The following OPHN1 variants were observed in gnomAD, a reference collection of about 807,000 sequenced individuals.
OPHN1 encodes oligophrenin-1.
OPHN1 carries 11 observed loss-of-function variants against 60.7 expected under a neutral mutation model. The ratio of observed to expected loss-of-function variants is 0.18; its 90% CI spans 0.11 to 0.30. The LOEUF is 0.30. OPHN1 is among the 10% of genes least tolerant of loss of function. The pLI, the probability that OPHN1 is intolerant of heterozygous loss-of-function variation, is 1.00. For missense variants in OPHN1, 449 were observed against 611.0 expected, an observed-to-expected ratio of 0.73 and a Z score of 2.80; for synonymous variants, 226 against 222.6, an observed-to-expected ratio of 1.02 and a Z score of -0.14.
intron 6 of OPHN1, among the ~76,000 whole-genome samples, chrX:68,217,052 C>T (rs1040948311): frequency 9.4e-4 from 104 of 111,034 alleles, no homozygotes; most frequent in Non-Finnish European, 1.4e-3. Flanking sequence ...AGACATTGGG[C>T]GGAGGTCAGT....
At chrX:68,416,065 TATAGAGAGAGAGAGAGAGAGAGAG>T (rs2078796835) in intron 2 of OPHN1, among the ~76,000 whole-genome samples, 1 of 5,201 alleles carries the variant, frequency 1.9e-4, no homozygotes, top group African/African-American at 3.7e-4. Flanking sequence ...TATATATATA[TATAGAGAGAGAGAGAGAGAGAGAG>T]AGAGAGAGAG....
At chrX:68,395,730 A>C (rs1380471714) in intron 2 of OPHN1, among the ~76,000 whole-genome samples, 2 of 110,015 alleles carry the variant, frequency 1.8e-5, no homozygotes, top group Non-Finnish European at 3.8e-5. Context: ...TACAGGCGTG[A>C]GCCACCATGC....
intron 15 of OPHN1, among the ~76,000 whole-genome samples, chrX:68,156,075 C>G (rs1352109397): frequency 9.0e-6 from 1 of 110,615 alleles, no homozygotes; most frequent in Non-Finnish European, 1.9e-5. Context: ...CAAAATATAA[C>G]CATGGTATCA....
intron 2 of OPHN1, among the ~76,000 whole-genome samples, chrX:68,355,486 G>T (rs1396224560): frequency 8.9e-6 from 1 of 111,898 alleles, no homozygotes; most frequent in East Asian, 2.8e-4. Flanking sequence ...AGGAAGAAAG[G>T]CTCAGATAGT....
chrX:68,171,600 G>A (rs1443711395), intron 15 of OPHN1, among the ~76,000 whole-genome samples: 1 of 111,030 alleles, frequency 9.0e-6, no homozygotes, highest in Non-Finnish European at 1.9e-5. Context: ...GCCAGGGCTG[G>A]TGGTGCATGC....
chrX:68,061,994 T>C (rs887243571), intron 21 of OPHN1, among the ~76,000 whole-genome samples: 7 of 112,407 alleles, frequency 6.2e-5, no homozygotes, highest in African/African-American at 2.3e-4. Context: ...ATGGCTTACC[T>C]GAACAATTGG....
chrX:68,206,516 T>G (rs1378028576), intron 10 of OPHN1, 57 bp downstream of exon 10: 1 of 869,099 alleles, frequency 1.2e-6, no homozygotes, highest in Non-Finnish European at 1.7e-6. Context: ...CATATATTCT[T>G]TTCTGAGAAA....
chrX:68,071,482 AAGAAC>A (rs1201911264), intron 20 of OPHN1: 2 of 881,408 alleles, frequency 2.3e-6, no homozygotes, highest in Admixed American at 4.4e-5. Context: ...ACAGTCTTTC[AAGAAC>A]AGAACATCCT....
chrX:68,188,787 G>A lies in OPHN1; in HGVS notation c.1276+4132C>T, dbSNP rs776811617. Among the ~76,000 whole-genome samples, 11 of 111,348 alleles carry A rather than the reference G, an allele frequency of 9.9e-5. No individual in the cohort carries two copies. The South Asian group carries it at 2.3e-3, about 23-fold the overall frequency. Reference sequence around the variant, plus strand: ...TAATGTATTTATTATCTATTTGTCCGAATATATGTGAATTTAATGCTAAAG... The same window carrying A: ...TAATGTATTTATTATCTATTTGTCCAAATATATGTGAATTTAATGCTAAAG... On this transcript the variant is annotated intron_variant, in intron 15 of 24. Coordinates refer to ENST00000355520, the MANE Select transcript of OPHN1 (RefSeq NM_002547.3).
intron 21 of OPHN1, among the ~76,000 whole-genome samples, chrX:68,062,596 C>G (rs2076897143): frequency 8.9e-6 from 1 of 112,160 alleles, no homozygotes; most frequent in African/African-American, 3.2e-5. Flanking sequence ...CTTCATAAGT[C>G]TTATTCATTT....
At chrX:68,168,141 C>T (rs1159977832) in intron 15 of OPHN1, among the ~76,000 whole-genome samples, 1 of 110,702 alleles carries the variant, frequency 9.0e-6, no homozygotes, top group Non-Finnish European at 1.9e-5. Context: ...CTCAGCTCTG[C>T]ACCAAACGGA....
At chrX:68,207,125 T>G (rs1187259034) in intron 9 of OPHN1, among the ~76,000 whole-genome samples, 1 of 108,330 alleles carries the variant, frequency 9.2e-6, no homozygotes, top group Non-Finnish European at 1.9e-5. Context: ...GTGTTGTTTT[T>G]GTTTTAATTT....
intron 21 of OPHN1, among the ~76,000 whole-genome samples, chrX:68,054,179 C>T (rs1050932445): frequency 9.0e-6 from 1 of 110,711 alleles, no homozygotes; most frequent in Non-Finnish European, 1.9e-5. Flanking sequence ...TAGGTGCTTA[C>T]TAAATGTCTG....
intron 21 of OPHN1, among the ~76,000 whole-genome samples, chrX:68,060,499 C>A (rs1380929830): frequency 8.9e-6 from 1 of 111,913 alleles, no homozygotes; most frequent in Non-Finnish European, 1.9e-5. Flanking sequence ...ATGTCTGGAA[C>A]AGAAAAGGAT....
At chrX:68,318,297 T>C (rs1204045351) in intron 2 of OPHN1, among the ~76,000 whole-genome samples, 1 of 112,227 alleles carries the variant, frequency 8.9e-6, no homozygotes, top group Non-Finnish European at 1.9e-5. Flanking sequence ...ACCATGTTTA[T>C]GTATTATAAG....
Position 68,100,176 on chromosome X carries a change from C to G in OPHN1, c.1527-3147G>C, listed in dbSNP as rs1360673138. ...TCTCGAAAATAATTGGGGGCAAAGA[C>G]AACCACACACTGTGTGTCCCCTGTT... On this transcript the variant is annotated intron_variant, in intron 18 of 24. Coordinates refer to ENST00000355520, the MANE Select transcript of OPHN1 (RefSeq NM_002547.3). Among the ~76,000 whole-genome samples, 4 of 110,909 alleles carry G rather than the reference C, an allele frequency of 3.6e-5. No individual in the cohort carries two copies. In the Admixed American group the frequency reaches 3.9e-4, roughly 11 times the overall value.
At chrX:68,316,450 T>G (rs2078200051) in intron 2 of OPHN1, among the ~76,000 whole-genome samples, 1 of 112,048 alleles carries the variant, frequency 8.9e-6, no homozygotes, top group African/African-American at 3.2e-5. Context: ...TACCATAAAC[T>G]TGGTGGTTTA....
In OPHN1 at chrX:68,299,047, C is replaced by T. The variant is rs367608364; in HGVS notation, c.204G>A (p.Gln68=). The T allele has an allele frequency of 3.8e-5, 45 of 1,194,381 alleles. No individual in the cohort carries two copies. Among genetic ancestry groups the T allele is most frequent in the Non-Finnish European group, 5.0e-5 (44 of 883,571 alleles). Residue 68 remains glutamine, a synonymous_variant, in exon 3 of 25, where the codon CAG becomes CAA. Coordinates refer to ENST00000355520, the MANE Select transcript of OPHN1 (RefSeq NM_002547.3). ...TCAGAGTGTCTCCAATGAAATCAAA[C>T]TGAAATGACTGCAGCGTCTGGGAAA... is the stretch of plus-strand genomic sequence containing the variant. ...QKFSQTLQSF[Q]FDFIGDTLTD...
intron 18 of OPHN1, among the ~76,000 whole-genome samples, chrX:68,109,072 T>G (rs1400674501): frequency 9.0e-6 from 1 of 111,157 alleles, no homozygotes; most frequent in African/African-American, 3.3e-5. Context: ...TTTAGTATAT[T>G]CACGGAGCCG....
Sources: allele counts gnomAD v4.1 joint callset (sites outside exome capture counted in the v4.1 genomes callset), GRCh38; gene constraint gnomAD v4.1.1; transcripts MANE v1.5; gene names NCBI Gene and HGNC (gene_info 2026-07-23, HGNC 2026-07-21).